The following MTOR variants were observed in gnomAD, a reference collection of about 807,000 sequenced individuals.
MTOR encodes the protein serine/threonine-protein kinase mTOR.
Under a neutral mutation model 319.8 loss-of-function variants are expected in MTOR, and 70 were observed. The ratio of observed to expected loss-of-function variants is 0.22; its 90% CI spans 0.18 to 0.27. The LOEUF (loss-of-function observed/expected upper bound fraction) is 0.27. MTOR is among the 10% of genes least tolerant of loss of function. MTOR has a pLI of 1.00. For synonymous variants in MTOR, 1,183 were observed against 1,211.4 expected, an observed-to-expected ratio of 0.98 and a Z score of 0.49; for missense variants, 1,890 against 3,274.4, an observed-to-expected ratio of 0.58 and a Z score of 10.32.
At chr1:11,225,328 A>G (rs1003019651) in intron 19 of MTOR, among the ~76,000 whole-genome samples, 3 of 152,172 alleles carry the variant, frequency 2.0e-5, no homozygotes, top group Non-Finnish European at 4.4e-5. Flanking sequence ...TACATTAGAA[A>G]AGAAGACTGA....
chr1:11,157,096 G>C lies in MTOR; in HGVS notation c.4469+56C>G, dbSNP rs2100566036. 15 of 1,516,390 alleles carry C rather than the reference G, an allele frequency of 9.9e-6. No individual in the cohort carries two copies. The South Asian group carries it at 2.0e-4, about 20-fold the overall frequency. The allele number at this position is 1,516,390 out of a possible 1,614,324, so 93.9% of individuals were successfully genotyped here. A position where few individuals can be genotyped will look rare whatever the true frequency, so the allele number is the denominator to read the frequency against. On this transcript the variant is annotated intron_variant, in intron 30 of 57. Transcript: ENST00000361445. Reference sequence around the variant, plus strand: ...GGGAAGCCTTCCTTTCAAATCCAAAGATCAAAGAGACGAAGTCTCTTGCAG... The same window carrying C: ...GGGAAGCCTTCCTTTCAAATCCAAACATCAAAGAGACGAAGTCTCTTGCAG...
chr1:11,113,643 C>T (rs555600385), intron 53 of MTOR, among the ~76,000 whole-genome samples: 12 of 152,052 alleles, frequency 7.9e-5, no homozygotes, highest in African/African-American at 2.2e-4. Flanking sequence ...CAAGGTCTCA[C>T]GCTGTCACCT....
chr1:11,115,027 G>C lies in MTOR; in HGVS notation c.7090-140C>G. Reference sequence around the variant, plus strand: ...AAAGGAAGCAGCTTGGGTTTAGTGAGAGGACTTGTCACAGGGATTTGAAAG... The same window carrying C: ...AAAGGAAGCAGCTTGGGTTTAGTGACAGGACTTGTCACAGGGATTTGAAAG... On this transcript the variant is annotated intron_variant, in intron 51 of 57. Transcript: ENST00000361445. The surrounding 1 kb of genome is among the most constrained non-coding windows in gnomAD (Gnocchi z 4.5). 1.5e-6 allele frequency: 1 copy of C among 667,000 alleles called. No homozygotes were observed. The highest frequency in any genetic ancestry group is 1.9e-5 in the South Asian group (1 of 53,896). 41.3% of individuals were successfully genotyped at this position (667,000 alleles called of 1,614,324 possible). A position where few individuals can be genotyped will look rare whatever the true frequency, so the allele number is the denominator to read the frequency against.
intron 28 of MTOR, among the ~76,000 whole-genome samples, chr1:11,177,541 G>T (rs546488743): frequency 1.9e-3 from 288 of 152,276 alleles, no homozygotes; most frequent in Non-Finnish European, 3.5e-3. Context: ...CTGGGTGACA[G>T]AGTGAGACTC....
At chr1:11,198,497 G>A (rs1016736266) in intron 28 of MTOR, among the ~76,000 whole-genome samples, 7 of 152,076 alleles carry the variant, frequency 4.6e-5, no homozygotes, top group Admixed American at 2.6e-4. Flanking sequence ...TATCAGCCAC[G>A]GTGAAGGAAC....
intron 1 of MTOR, 108 bp downstream of exon 1, chr1:11,262,337 A>AC (rs1212709912): frequency 6.6e-6 from 1 of 152,094 alleles, no homozygotes; most frequent in African/African-American, 2.4e-5. Context: ...CAATGTGGGG[A>AC]CCCCACGTCC....
intron 46 of MTOR, among the ~76,000 whole-genome samples, chr1:11,125,093 C>G (rs1642756437): frequency 6.6e-6 from 1 of 152,150 alleles, no homozygotes; most frequent in African/African-American, 2.4e-5. Context: ...CTACCACTCT[C>G]TCTGGACTGT....
chr1:11,151,460 C>T (rs1000799605), intron 30 of MTOR, among the ~76,000 whole-genome samples: 1 of 152,100 alleles, frequency 6.6e-6, no homozygotes, highest in Non-Finnish European at 1.5e-5. Context: ...ATCTTCACTC[C>T]TGGGCCCTGC....
At chr1:11,248,358 T>G (rs1278392878) in intron 6 of MTOR, among the ~76,000 whole-genome samples, 1 of 152,126 alleles carries the variant, frequency 6.6e-6, no homozygotes, top group Non-Finnish European at 1.5e-5. Flanking sequence ...GGTTCTCACC[T>G]CCCAGGACTC....
chr1:11,225,283 T>C (rs1229351273), intron 19 of MTOR, among the ~76,000 whole-genome samples: 1 of 152,186 alleles, frequency 6.6e-6, no homozygotes, highest in African/African-American at 2.4e-5. Context: ...GGAAAGCAGT[T>C]AATACTTGGA....
chr1:11,254,700 A>ATCATTTGT (rs1650135030), intron 5 of MTOR, among the ~76,000 whole-genome samples: 1 of 152,086 alleles, frequency 6.6e-6, no homozygotes, highest in African/African-American at 2.4e-5. Flanking sequence ...CTAAATTAGT[A>ATCATTTGT]TCATTTGTAT....
At chr1:11,130,856 G>A (rs2100434935) in intron 38 of MTOR, 79 bp from the exon 39 acceptor site, 2 of 1,491,842 alleles carry the variant, frequency 1.3e-6, no homozygotes, top group Non-Finnish European at 1.8e-6. Context: ...GGTCGATGCT[G>A]AGGAACAGCT....
intron 51 of MTOR, 30 bp from the exon 52 acceptor site, chr1:11,114,917 T>C (rs1233602338): frequency 1.2e-6 from 2 of 1,602,552 alleles, no homozygotes; most frequent in Non-Finnish European, 1.7e-6. Flanking sequence ...AAAAGCCAAA[T>C]CAATGTTTAT....
At chr1:11,155,000 T>C (rs1644273653) in intron 30 of MTOR, among the ~76,000 whole-genome samples, 1 of 152,104 alleles carries the variant, frequency 6.6e-6, no homozygotes, top group Non-Finnish European at 1.5e-5. Flanking sequence ...TAAAAAAAAT[T>C]AGCCCACTGT....
chr1:11,119,602 C>T (rs1371111676), intron 49 of MTOR, among the ~76,000 whole-genome samples: 2 of 128,408 alleles, frequency 1.6e-5, no homozygotes, highest in East Asian at 2.3e-4. Flanking sequence ...AAAAAAAAGC[C>T]GGGCATGGTG....
chr1:11,182,757 A>AACCCT (rs1371471289), intron 28 of MTOR, among the ~76,000 whole-genome samples: 16 of 152,272 alleles, frequency 1.1e-4, no homozygotes, highest in East Asian at 7.7e-4. Flanking sequence ...AACATTCAAC[A>AACCCT]CTATGTTTGT....
chr1:11,114,617 A>C (rs1642067653), intron 52 of MTOR, 164 bp from the exon 53 acceptor site: 2 of 1,102,034 alleles, frequency 1.8e-6, no homozygotes, highest in Non-Finnish European at 2.6e-6. Context: ...TGTGATCCAC[A>C]GGAAACCAGG....
intron 13 of MTOR, among the ~76,000 whole-genome samples, chr1:11,235,095 C>G (rs921351557): frequency 6.6e-5 from 10 of 152,120 alleles, no homozygotes; most frequent in Admixed American, 2.0e-4. Flanking sequence ...CTGTTTTCCC[C>G]AGTCATAGCA....
chr1:11,157,998 T>C (rs986382400), intron 29 of MTOR, among the ~76,000 whole-genome samples: 1 of 152,130 alleles, frequency 6.6e-6, no homozygotes, highest in African/African-American at 2.4e-5. Context: ...AGGGATTGCA[T>C]TACCCTAGCA....
Sources: allele counts gnomAD v4.1 joint callset (sites outside exome capture counted in the v4.1 genomes callset), GRCh38; gene constraint gnomAD v4.1.1; non-coding constraint Gnocchi (gnomAD v3.1); transcripts MANE v1.5; gene names NCBI Gene and HGNC (gene_info 2026-07-23, HGNC 2026-07-21).